The following UHMK1 variants were observed in gnomAD, a reference collection of about 807,000 sequenced individuals.
UHMK1 encodes the protein serine/threonine-protein kinase Kist.
UHMK1 carries 18 observed loss-of-function variants against 44.0 expected under a neutral mutation model. That is an observed-to-expected ratio of 0.41 (90% CI 0.28 to 0.61). The LOEUF (loss-of-function observed/expected upper bound fraction) is 0.61. Ranked by LOEUF, UHMK1 falls within the 20% of genes least tolerant of loss-of-function variation. UHMK1 has a pLI of 0.31. For missense variants in UHMK1, 463 were observed against 522.5 expected, an observed-to-expected ratio of 0.89 and a Z score of 1.11; for synonymous variants, 231 against 198.5, an observed-to-expected ratio of 1.16 and a Z score of -1.38.
At position 162,503,863 on chromosome 1, in the gene UHMK1, C is replaced by G. The variant is rs943586264; in HGVS notation, c.848+15C>G. ...CTTATCAAAAGGTATGTTACACGTA[C>G]CATAAACTTGCTTTGCATTCATGTA... On this transcript the variant is annotated intron_variant, in intron 4 of 7. Transcript: ENST00000489294. 4.4e-6 allele frequency: 7 copies of G among 1,607,332 alleles called. No individual in the cohort carries two copies. Among genetic ancestry groups the G allele is most frequent in the Non-Finnish European group, 6.0e-6 (7 of 1,174,680 alleles).
In UHMK1 at chr1:162,527,633, G is replaced by C. The variant is rs1652295944; in HGVS notation, c.*5083G>C. The C allele has an allele frequency of 6.6e-6, 1 of 152,068 alleles. No homozygotes were observed. Among genetic ancestry groups the C allele is most frequent in the Admixed American group, 6.5e-5 (1 of 15,272 alleles). 9.4% of individuals were successfully genotyped at this position (152,068 alleles called of 1,614,324 possible). ...TTGTGGCAGTTGTGTTTGTGGCACTGTAAATGCTGAAATTCATGGGAAACT... is the reference window on the plus strand; with the variant it reads ...TTGTGGCAGTTGTGTTTGTGGCACTCTAAATGCTGAAATTCATGGGAAACT... On this transcript the variant is annotated 3_prime_UTR_variant, in exon 8 of 8. Coordinates refer to ENST00000489294, the MANE Select transcript of UHMK1 (RefSeq NM_175866.5).
intron 7 of UHMK1, among the ~76,000 whole-genome samples, chr1:162,521,601 G>A (rs1383515870): frequency 3.9e-5 from 6 of 152,130 alleles, no homozygotes; most frequent in Non-Finnish European, 8.8e-5. Flanking sequence ...GGGATTACAG[G>A]CATGTGCTAT....
At chr1:162,508,900 C>T (rs1651570932) in intron 4 of UHMK1, among the ~76,000 whole-genome samples, 1 of 151,928 alleles carries the variant, frequency 6.6e-6, no homozygotes, top group Admixed American at 6.6e-5. Context: ...TTAAGCAATC[C>T]TCCCACCTTA....
rs575279049 is a variant in UHMK1, at chr1:162,524,662, C to G, written c.*2112C>G. On this transcript the variant is annotated 3_prime_UTR_variant, in exon 8 of 8. Transcript: ENST00000489294. ...TCCGCCCCCAAAAGAAAAATCCTTA[C>G]AAATAAACTGCAGGTAGGCTTCTAA... The G allele has an allele frequency of 2.6e-5, 4 of 152,294 alleles. No individual in the cohort carries two copies. The highest frequency in any genetic ancestry group is 9.6e-5 in the African/African-American group (4 of 41,570). 9.4% of individuals were successfully genotyped at this position (152,294 alleles called of 1,614,324 possible). A position where few individuals can be genotyped will look rare whatever the true frequency, so the allele number is the denominator to read the frequency against.
At chr1:162,522,264 G>A in intron 7 of UHMK1, 140 bp from the exon 8 acceptor site, 1 of 857,740 alleles carries the variant, frequency 1.2e-6, no homozygotes. Context: ...CAGAAACTCA[G>A]GCGACATCTC....
chr1:162,502,028 T>G (rs1421782446), intron 3 of UHMK1, among the ~76,000 whole-genome samples: 2 of 151,980 alleles, frequency 1.3e-5, no homozygotes, highest in Non-Finnish European at 2.9e-5. Flanking sequence ...CTCAAAAAAT[T>G]AGCTGGGTGT....
chr1:162,506,223 GC>G (rs3035616), intron 4 of UHMK1, among the ~76,000 whole-genome samples: 43,044 of 120,282 alleles, frequency 0.36, 8,350 homozygotes, highest in Non-Finnish European at 0.44. Context: ...TTAAATAATA[GC>G]CCCCCCCCCC....
chr1:162,524,863 GA>G lies in UHMK1; in HGVS notation c.*2315del, dbSNP rs1222587340. On this transcript the variant is annotated 3_prime_UTR_variant, in exon 8 of 8. Coordinates refer to ENST00000489294, the MANE Select transcript of UHMK1 (RefSeq NM_175866.5). ...GCTGAGGGAATAATTGATGAGCCTT[GA>G]ATTAACCATGCATTTAATTAGATTT... is the stretch of plus-strand genomic sequence containing the variant. 1 of 152,156 alleles carries G rather than the reference GA, an allele frequency of 6.6e-6. No individual in the cohort carries two copies. Among genetic ancestry groups the G allele is most frequent in the East Asian group, 1.9e-4 (1 of 5,194 alleles). 9.4% of individuals were successfully genotyped at this position (152,156 alleles called of 1,614,324 possible).
intron 7 of UHMK1, 72 bp downstream of exon 7, chr1:162,518,262 G>A (rs1651908913): frequency 2.7e-6 from 3 of 1,116,380 alleles, no homozygotes; most frequent in South Asian, 2.8e-5. Context: ...TTTTAGTTCT[G>A]TAGGAAGATG....
chr1:162,500,842 A>C, intron 2 of UHMK1, 71 bp from the exon 3 acceptor site: 1 of 1,450,098 alleles, frequency 6.9e-7, no homozygotes, highest in Middle Eastern at 2.1e-4. Context: ...TAGGGAAGTA[A>C]ATTCACTGTA....
chr1:162,503,872 TG>T (rs1651371367), intron 4 of UHMK1, 24 bp downstream of exon 4: 1 of 1,585,686 alleles, frequency 6.3e-7, no homozygotes, highest in South Asian at 1.1e-5. Context: ...ACCATAAACT[TG>T]CTTTGCATTC....
chr1:162,519,613 T>G (rs1362036416), intron 7 of UHMK1, among the ~76,000 whole-genome samples: 1 of 152,248 alleles, frequency 6.6e-6, no homozygotes, highest in Non-Finnish European at 1.5e-5. Flanking sequence ...TTAGAAACTC[T>G]AATTCCAAAT....
chr1:162,529,368 C>CT lies in UHMK1; in HGVS notation c.*6822dup, dbSNP rs1652365477. 6.6e-6 allele frequency: 1 copy of CT among 152,086 alleles called. No individual in the cohort carries two copies. The highest frequency in any genetic ancestry group is 6.5e-5 in the Admixed American group (1 of 15,272). 9.4% of individuals were successfully genotyped at this position (152,086 alleles called of 1,614,324 possible). A position where few individuals can be genotyped will look rare whatever the true frequency, so the allele number is the denominator to read the frequency against. ...CTAAATTTCTGATTTCCATTCAAGT[C>CT]TTTTAAACTCTTTCCTGCTGAATAG... On this transcript the variant is annotated 3_prime_UTR_variant, in exon 8 of 8. Transcript: ENST00000489294.
chr1:162,505,080 T>A (rs960165825), intron 4 of UHMK1, among the ~76,000 whole-genome samples: 1 of 152,054 alleles, frequency 6.6e-6, no homozygotes, highest in African/African-American at 2.4e-5. Context: ...TGGCCAAAAT[T>A]TTTTTTCTTC....
chr1:162,498,912 TAAAGA>T (rs1472261139), intron 1 of UHMK1, among the ~76,000 whole-genome samples: 2 of 152,250 alleles, frequency 1.3e-5, no homozygotes, highest in African/African-American at 2.4e-5. Flanking sequence ...CTTTGGTTAT[TAAAGA>T]AAAGTCTTAT....
At position 162,522,733 on chromosome 1, in the gene UHMK1, A is replaced by G. The variant is rs779201239; in HGVS notation, c.*183A>G. ...GCATACATTTGGCACTGAGTAGGAC[A>G]AGACCTCTCAGCTATACATTGAGGG... On this transcript the variant is annotated 3_prime_UTR_variant, in exon 8 of 8. Transcript: ENST00000489294. 9.6e-6 allele frequency: 6 copies of G among 627,646 alleles called. No individual in the cohort carries two copies. The highest frequency in any genetic ancestry group is 3.4e-5 in the Admixed American group (1 of 29,000). The allele number at this position is 627,646 out of a possible 1,614,324, so 38.9% of individuals were successfully genotyped here. A position where few individuals can be genotyped will look rare whatever the true frequency, so the allele number is the denominator to read the frequency against.
chr1:162,512,501 A>G lies in UHMK1; in HGVS notation c.850A>G (p.Met284Val), dbSNP rs914639110. The G allele has an allele frequency of 7.0e-5, 113 of 1,602,972 alleles. No individual in the cohort carries two copies. Among genetic ancestry groups the G allele is most frequent in the Non-Finnish European group, 9.1e-5 (107 of 1,177,290 alleles). Residue 284 changes from methionine (M) to valine (V), a missense_variant and splice_region_variant, in exon 5 of 8, where the codon ATG (methionine) becomes GTG (valine). Physicochemically the swap from Met to Val is conservative, Grantham distance 21. This residue lies in a region of UHMK1 where 264 missense variants were observed against 326.3 expected (regional missense o/e 0.81). Transcript: ENST00000489294. Reference protein sequence around the residue: ...AYHLRDLIKSMLHDDPSRRIP... With the variant: ...AYHLRDLIKSVLHDDPSRRIP... ...AAGGCACCTATTTTTGTGTTTTAGC[A>G]TGCTTCATGATGATCCAAGCAGAAG...
rs1395694548 is a variant in UHMK1 at position 162,526,221 on chromosome 1, CTGTT to C, written c.*3672_*3675del. ...TTTTGTTTTAGGTCTTATTTTCTGACTGTTAGGCCTATCTTACACATAAGTTCTA... is the reference window on the plus strand; with the variant it reads ...TTTTGTTTTAGGTCTTATTTTCTGACAGGCCTATCTTACACATAAGTTCTA... On this transcript the variant is annotated 3_prime_UTR_variant, in exon 8 of 8. Transcript: ENST00000489294. 6.7e-6 allele frequency: 1 copy of C among 149,970 alleles called. No homozygotes were observed. The highest frequency in any genetic ancestry group is 1.5e-5 in the Non-Finnish European group (1 of 67,696). 9.3% of individuals were successfully genotyped at this position (149,970 alleles called of 1,614,324 possible).
At chr1:162,506,388 G>T (rs1211880090) in intron 4 of UHMK1, among the ~76,000 whole-genome samples, 1 of 151,992 alleles carries the variant, frequency 6.6e-6, no homozygotes, top group Non-Finnish European at 1.5e-5. Flanking sequence ...GCAAGTCGCT[G>T]AACCTTTTTT....
Sources: allele counts gnomAD v4.1 joint callset (sites outside exome capture counted in the v4.1 genomes callset), GRCh38; gene constraint gnomAD v4.1.1; regional missense constraint gnomAD v4.1.1; transcripts MANE v1.5; gene names NCBI Gene and HGNC (gene_info 2026-07-23, HGNC 2026-07-21).